NSD3: variants seen among roughly 807,000 people sequenced by gnomAD.
NSD3 encodes the protein histone-lysine N-methyltransferase NSD3.
A neutral mutation model predicts 160.8 loss-of-function variants in NSD3; 24 were observed. The observed-to-expected ratio is 0.15, with a 90% confidence interval of 0.11 to 0.21. The LOEUF (loss-of-function observed/expected upper bound fraction) is 0.21. Among genes scored for constraint, NSD3 ranks in the 10% least tolerant of loss-of-function variants. NSD3 has a pLI of 1.00. For synonymous variants in NSD3, 520 were observed against 600.0 expected, an observed-to-expected ratio of 0.87 and a Z score of 1.95; for missense variants, 1,157 against 1,735.9, an observed-to-expected ratio of 0.67 and a Z score of 5.93.
At chr8:38,360,668 AC>A (rs1323907153) in intron 1 of NSD3, among the ~76,000 whole-genome samples, 4 of 152,208 alleles carry the variant, frequency 2.6e-5, no homozygotes, top group Admixed American at 2.0e-4. Context: ...GTATATCTTG[AC>A]TTAAAGGTAC....
chr8:38,358,091 A>G (rs1810868636), intron 1 of NSD3, among the ~76,000 whole-genome samples: 4 of 152,170 alleles, frequency 2.6e-5, no homozygotes, highest in Admixed American at 1.3e-4. Flanking sequence ...ATGTATATAT[A>G]TATTTAAAAC....
chr8:38,307,606 G>T (rs1809439901), intron 12 of NSD3, among the ~76,000 whole-genome samples: 1 of 152,034 alleles, frequency 6.6e-6, no homozygotes, highest in Non-Finnish European at 1.5e-5. Context: ...TGTATACTAG[G>T]GCACTATGCA....
chr8:38,310,675 CTTTTTTT>C (rs919146524), intron 12 of NSD3, among the ~76,000 whole-genome samples: 21 of 138,170 alleles, frequency 1.5e-4, no homozygotes, highest in Admixed American at 1.3e-3. Context: ...GCCAGGCTAA[CTTTTTTT>C]TTTTTTTTTG....
rs1810577240 is a variant in NSD3, at chr8:38,347,980, T to G, written c.192A>C (p.Glu64Asp). Residue 64 changes from glutamate (E) to aspartate (D), a missense_variant, in exon 2 of 24, where the codon GAA becomes GAC. This residue lies in a region of NSD3 where 121 missense variants were observed against 177.2 expected (regional missense o/e 0.68). Transcript: ENST00000317025. ...ACCCATTTGTGAGTGGAGGAAGATC[T>G]TCTGTTGTAGCTGGGTACTGAAAGC... Reference protein sequence around the residue: ...QQGFQYPATTEDLPPLTNGYP... With the variant: ...QQGFQYPATTDDLPPLTNGYP... The G allele has an allele frequency of 1.2e-6, 2 of 1,614,098 alleles. No homozygotes were observed. Among genetic ancestry groups the G allele is most frequent in the Non-Finnish European group, 1.7e-6 (2 of 1,180,044 alleles).
chr8:38,292,278 A>G (rs1809014128), intron 16 of NSD3, among the ~76,000 whole-genome samples: 1 of 152,254 alleles, frequency 6.6e-6, no homozygotes. Flanking sequence ...ATAGTAGAAA[A>G]GTGAAAATGC....
intron 12 of NSD3, among the ~76,000 whole-genome samples, chr8:38,308,214 C>T (rs1809452232): frequency 6.6e-6 from 1 of 152,100 alleles, no homozygotes; most frequent in South Asian, 2.1e-4. Flanking sequence ...TACAAATTTG[C>T]TGAATTATAA....
intron 11 of NSD3, among the ~76,000 whole-genome samples, chr8:38,314,993 C>T (rs1382914965): frequency 6.6e-6 from 1 of 152,338 alleles, no homozygotes; most frequent in African/African-American, 2.4e-5. Context: ...TAGACAATTA[C>T]AGTATTTCCA....
chr8:38,280,655 TGA>T (rs1265935383), intron 20 of NSD3, among the ~76,000 whole-genome samples: 2 of 152,128 alleles, frequency 1.3e-5, no homozygotes, highest in African/African-American at 2.4e-5. Context: ...AAAAATTAAC[TGA>T]GATAATGGAT....
At chr8:38,328,427 A>G (rs1247461284) in intron 6 of NSD3, among the ~76,000 whole-genome samples, 2 of 152,186 alleles carry the variant, frequency 1.3e-5, no homozygotes, top group East Asian at 1.9e-4. Flanking sequence ...ATTTGCTATC[A>G]AGAGAACCAA....
chr8:38,316,649 A>G lies in NSD3; in HGVS notation c.1856-607T>C. On this transcript the variant is annotated intron_variant, in intron 9 of 23. Transcript: ENST00000317025. The surrounding 1 kb of genome is among the most constrained non-coding windows in gnomAD (Gnocchi z 4.5). ...TTAACAAGCGCTGCAGCACATCTAC[A>G]TATGTCATGCCATTTAGAAGGCACA... 2 of 1,053,350 alleles carry G rather than the reference A, an allele frequency of 1.9e-6. No individual in the cohort carries two copies. The highest frequency in any genetic ancestry group is 2.3e-6 in the Non-Finnish European group (2 of 871,782). 65.3% of individuals were successfully genotyped at this position (1,053,350 alleles called of 1,614,324 possible).
chr8:38,305,104 C>CT, intron 13 of NSD3, 144 bp downstream of exon 13: 4 of 782,522 alleles, frequency 5.1e-6, no homozygotes, highest in Non-Finnish European at 5.9e-6. Flanking sequence ...TTAACATGTA[C>CT]TGTGTATGTA....
At chr8:38,335,454 A>T (rs372622288) in intron 4 of NSD3, among the ~76,000 whole-genome samples, 1 of 151,898 alleles carries the variant, frequency 6.6e-6, no homozygotes, top group Non-Finnish European at 1.5e-5. Context: ...TGCTTTCCTC[A>T]GGGGACAGAA....
At chr8:38,307,431 A>G (rs1250894883) in intron 12 of NSD3, among the ~76,000 whole-genome samples, 1 of 152,192 alleles carries the variant, frequency 6.6e-6, no homozygotes, top group Non-Finnish European at 1.5e-5. Context: ...AAATAAAAGT[A>G]CATTCACTTT....
At chr8:38,345,809 T>C (rs1810508004) in intron 2 of NSD3, among the ~76,000 whole-genome samples, 1 of 151,426 alleles carries the variant, frequency 6.6e-6, no homozygotes, top group African/African-American at 2.4e-5. Context: ...CTCGGGAGGC[T>C]GAGGCAGGAG....
chr8:38,291,886 C>T (rs10958606), intron 16 of NSD3, among the ~76,000 whole-genome samples: 32,601 of 152,032 alleles, frequency 0.21, 3,701 homozygotes, highest in East Asian at 0.31. Context: ...CTGGGCCTGA[C>T]TGGAAAGAAA....
intron 19 of NSD3, among the ~76,000 whole-genome samples, chr8:38,285,270 A>C (rs114197140): frequency 1.3e-5 from 2 of 152,184 alleles, no homozygotes; most frequent in Non-Finnish European, 2.9e-5. Context: ...ATACCTTAAA[A>C]TTTTTTCTGA....
chr8:38,306,940 C>T (rs574946024), intron 12 of NSD3, among the ~76,000 whole-genome samples: 5 of 151,748 alleles, frequency 3.3e-5, no homozygotes, highest in Admixed American at 2.6e-4. Context: ...AGGTGAAACC[C>T]CGTCTCTACT....
At chr8:38,310,109 G>C (rs1222008077) in intron 12 of NSD3, among the ~76,000 whole-genome samples, 2 of 152,102 alleles carry the variant, frequency 1.3e-5, no homozygotes, top group Admixed American at 1.3e-4. Flanking sequence ...GTAGCATTAA[G>C]TACATTCACA....
At chr8:38,379,563 T>A (rs1811486465) in intron 1 of NSD3, among the ~76,000 whole-genome samples, 1 of 152,196 alleles carries the variant, frequency 6.6e-6, no homozygotes, top group Non-Finnish European at 1.5e-5. Flanking sequence ...ATTAAAATAC[T>A]ACAAGCTGAG....
Sources: allele counts gnomAD v4.1 joint callset (sites outside exome capture counted in the v4.1 genomes callset), GRCh38; gene constraint gnomAD v4.1.1; regional missense constraint gnomAD v4.1.1; non-coding constraint Gnocchi (gnomAD v3.1); transcripts MANE v1.5; gene names NCBI Gene and HGNC (gene_info 2026-07-23, HGNC 2026-07-21).